Variants in MMP16 observed in about 807,000 individuals in gnomAD.
The protein encoded by MMP16 is matrix metallopeptidase 16.
A neutral mutation model predicts 67.8 loss-of-function variants in MMP16; 12 were observed. The ratio of observed to expected loss-of-function variants is 0.18; its 90% CI spans 0.11 to 0.29. The LOEUF is 0.29. MMP16 is among the 10% of genes least tolerant of loss of function. MMP16 has a pLI of 1.00. For synonymous variants in MMP16, 249 were observed against 255.9 expected, an observed-to-expected ratio of 0.97 and a Z score of 0.26; for missense variants, 475 against 765.7, an observed-to-expected ratio of 0.62 and a Z score of 4.48.
At chr8:88,207,706 AAAG>A (rs1319859027) in intron 1 of MMP16, among the ~76,000 whole-genome samples, 88 of 151,722 alleles carry the variant, frequency 5.8e-4, no homozygotes, top group Non-Finnish European at 9.9e-4. Flanking sequence ...AAAAAAAAAA[AAAG>A]AAAGAAAGAA....
At chr8:88,308,960 T>C (rs528519654) in intron 1 of MMP16, among the ~76,000 whole-genome samples, 1 of 151,844 alleles carries the variant, frequency 6.6e-6, no homozygotes, top group African/African-American at 2.4e-5. Context: ...TTCCCAATAC[T>C]GCTATGAATT....
intron 3 of MMP16, 63 bp from the exon 4 acceptor site, chr8:88,168,036 G>A: frequency 7.9e-7 from 1 of 1,270,536 alleles, no homozygotes. Context: ...TACAGGTTTT[G>A]ATCGATTCAG....
At chr8:88,301,631 CTT>C (rs1010696714) in intron 1 of MMP16, among the ~76,000 whole-genome samples, 73 of 152,108 alleles carry the variant, frequency 4.8e-4, no homozygotes, top group Admixed American at 2.2e-3. Flanking sequence ...TTAATTGTAA[CTT>C]TACAGATAAA....
chr8:88,255,816 T>C (rs937631523), intron 1 of MMP16, among the ~76,000 whole-genome samples: 1 of 152,160 alleles, frequency 6.6e-6, no homozygotes, highest in African/African-American at 2.4e-5. Context: ...GTCTGATTTT[T>C]CCCCCACTAA....
chr8:88,113,691 G>T (rs3919866), intron 6 of MMP16, among the ~76,000 whole-genome samples: 4,072 of 151,898 alleles, frequency 0.027, 167 homozygotes, highest in African/African-American at 0.09. Context: ...CAGAATTCCA[G>T]GCTCTGTCCT....
At chr8:88,272,947 G>A (rs1415752869) in intron 1 of MMP16, among the ~76,000 whole-genome samples, 1 of 150,806 alleles carries the variant, frequency 6.6e-6, no homozygotes. Flanking sequence ...TCAAAGGAAA[G>A]AGAACTGGAA....
intron 1 of MMP16, among the ~76,000 whole-genome samples, chr8:88,299,889 G>C (rs1420951883): frequency 1.3e-5 from 2 of 152,130 alleles, no homozygotes; most frequent in Non-Finnish European, 2.9e-5. Flanking sequence ...TACATCCCAT[G>C]TCTTTCCAGA....
In MMP16 at chr8:88,318,747, C is replaced by T. The variant is rs58030854; in HGVS notation, c.132+8328G>A. On this transcript the variant is annotated intron_variant, in intron 1 of 9. Transcript: ENST00000286614. ...ACAAGATTATGATAAGAATTAAATGCGTTTATATATGAAACATTTAGAACA... is the reference window on the plus strand; with the variant it reads ...ACAAGATTATGATAAGAATTAAATGTGTTTATATATGAAACATTTAGAACA... Among the ~76,000 whole-genome samples the T allele has an allele frequency of 4.3e-3, 652 of 152,148 alleles. 5 individuals are homozygous for T. The highest frequency in any genetic ancestry group is 0.014 in the African/African-American group (589 of 41,502).
chr8:88,150,842 G>T (rs1283758966), intron 4 of MMP16, among the ~76,000 whole-genome samples: 3 of 149,060 alleles, frequency 2.0e-5, no homozygotes, highest in Non-Finnish European at 3.0e-5. Context: ...ATAATGACAG[G>T]ATCAAATTCA....
In MMP16 at chr8:88,197,283, G is replaced by GT. The variant is rs756484176; in HGVS notation, c.155dup (p.Tyr52Ter). Residue 52 changes from tyrosine (Y) to a stop codon, truncating the protein, a stop_gained and frameshift_variant, in exon 2 of 10, where the codon TAC becomes TAAC. Coordinates refer to ENST00000286614, the MANE Select transcript of MMP16 (RefSeq NM_005941.5). LOFTEE classifies it high-confidence loss of function. ...ACATTCTGGGGTCAGTCGGTGGAAGGTAGCCGTACTTTTGTAACCAAACCT... is the reference window on the plus strand; with the variant it reads ...ACATTCTGGGGTCAGTCGGTGGAAGGTTAGCCGTACTTTTGTAACCAAACCT... ...NVEVWLQKYG[Y>*]LPPTDPRMSV... is the part of the protein sequence containing the mutation. The GT allele has an allele frequency of 6.4e-7, 1 of 1,572,956 alleles. No individual in the cohort carries two copies.
At chr8:88,145,064 A>G (rs767101373) in intron 4 of MMP16, among the ~76,000 whole-genome samples, 28 of 152,026 alleles carry the variant, frequency 1.8e-4, no homozygotes, top group Non-Finnish European at 3.5e-4. Flanking sequence ...ACACTATTCT[A>G]TTTTTAATAC....
chr8:88,071,968 A>G (rs1346351970), intron 7 of MMP16, among the ~76,000 whole-genome samples: 1 of 148,138 alleles, frequency 6.8e-6, no homozygotes, highest in African/African-American at 2.5e-5. Flanking sequence ...AGTGTAAAAT[A>G]AAAAAAAAAT....
chr8:88,086,685 T>C (rs1808839005), intron 6 of MMP16, among the ~76,000 whole-genome samples: 1 of 151,940 alleles, frequency 6.6e-6, no homozygotes, highest in Non-Finnish European at 1.5e-5. Flanking sequence ...ATCCAGGTTC[T>C]TGTTGAGTAT....
intron 1 of MMP16, among the ~76,000 whole-genome samples, chr8:88,317,736 A>C (rs932988735): frequency 1.3e-4 from 20 of 152,194 alleles, no homozygotes; most frequent in Admixed American, 1.3e-4. Context: ...TTAATAAACA[A>C]ATTATGTGAG....
chr8:88,120,350 A>T (rs2118440814), intron 4 of MMP16, among the ~76,000 whole-genome samples: 1 of 152,118 alleles, frequency 6.6e-6, no homozygotes, highest in South Asian at 2.1e-4. Flanking sequence ...ATTCATTTTT[A>T]GATATGGAAC....
intron 1 of MMP16, among the ~76,000 whole-genome samples, chr8:88,294,408 A>C (rs1810975527): frequency 7.0e-6 from 1 of 141,884 alleles, no homozygotes; most frequent in Admixed American, 6.8e-5. Context: ...ATGTATATAC[A>C]TATATACACA....
intron 1 of MMP16, among the ~76,000 whole-genome samples, chr8:88,289,924 A>ACTAC (rs1265981622): frequency 6.6e-6 from 1 of 152,090 alleles, no homozygotes; most frequent in Admixed American, 6.6e-5. Context: ...ACTACCCTGC[A>ACTAC]CTACCCTGCA....
At chr8:88,203,380 G>A (rs761177518) in intron 1 of MMP16, among the ~76,000 whole-genome samples, 1 of 152,074 alleles carries the variant, frequency 6.6e-6, no homozygotes, top group Non-Finnish European at 1.5e-5. Context: ...GGGATTACAG[G>A]CATGAGCTAC....
chr8:88,086,197 T>C (rs1274108797), intron 6 of MMP16, among the ~76,000 whole-genome samples: 1 of 151,798 alleles, frequency 6.6e-6, no homozygotes, highest in Non-Finnish European at 1.5e-5. Context: ...TCTACTCTTG[T>C]TCAGAAATCA....
Sources: gnomAD v4.1 joint callset for allele counts (sites outside exome capture counted in the v4.1 genomes callset) on GRCh38, gnomAD v4.1.1 for gene constraint, MANE v1.5 for transcripts, NCBI Gene and HGNC (gene_info 2026-07-23, HGNC 2026-07-21) for gene names.